Variants in CASK observed in about 807,000 individuals in gnomAD.
CASK encodes calcium/calmodulin dependent serine protein kinase.
In CASK, 4 loss-of-function variants were observed where a neutral mutation model predicts 82.9. The ratio of observed to expected loss-of-function variants is 0.05; its 90% CI spans 0.02 to 0.11. The LOEUF (loss-of-function observed/expected upper bound fraction) is 0.11. CASK is among the 10% of genes least tolerant of loss of function. The pLI is 1.00. For synonymous variants in CASK, 259 were observed against 253.5 expected, an observed-to-expected ratio of 1.02 and a Z score of -0.20; for missense variants, 358 against 720.9, an observed-to-expected ratio of 0.50 and a Z score of 5.76.
intron 3 of CASK, among the ~76,000 whole-genome samples, chrX:41,784,390 T>C (rs995025901): frequency 8.9e-6 from 1 of 112,188 alleles, no homozygotes; most frequent in Admixed American, 9.4e-5. Flanking sequence ...CTAAGATGAG[T>C]GTCACAGGGA....
At chrX:41,661,933 C>T (rs907691774) in intron 7 of CASK, among the ~76,000 whole-genome samples, 2 of 110,297 alleles carry the variant, frequency 1.8e-5, no homozygotes, top group South Asian at 3.9e-4. Flanking sequence ...TATCCTGGAG[C>T]GAATGTGCTC....
chrX:41,678,881 T>C (rs772260031), intron 5 of CASK, among the ~76,000 whole-genome samples: 2 of 109,368 alleles, frequency 1.8e-5, no homozygotes, highest in Non-Finnish European at 3.8e-5. Flanking sequence ...AGCACACATA[T>C]CATTGAAATT....
chrX:41,781,173 G>T (rs929812954), intron 3 of CASK, among the ~76,000 whole-genome samples: 3 of 112,440 alleles, frequency 2.7e-5, no homozygotes, highest in Non-Finnish European at 5.6e-5. Context: ...AAACCCCTAG[G>T]TGATCCTCCT....
At chrX:41,713,006 G>T (rs2068003934) in intron 5 of CASK, among the ~76,000 whole-genome samples, 1 of 111,475 alleles carries the variant, frequency 9.0e-6, no homozygotes, top group African/African-American at 3.3e-5. Flanking sequence ...CGAGTCTTCT[G>T]GGAGACTGAT....
chrX:41,877,150 T>C (rs1037539592), intron 1 of CASK, among the ~76,000 whole-genome samples: 9 of 111,826 alleles, frequency 8.0e-5, no homozygotes, highest in African/African-American at 2.9e-4. Flanking sequence ...GGTTTATTCA[T>C]AGGTTTTTCT....
chrX:41,678,069 A>C (rs2067297931), intron 5 of CASK, among the ~76,000 whole-genome samples: 1 of 112,283 alleles, frequency 8.9e-6, no homozygotes, highest in South Asian at 3.7e-4. Flanking sequence ...AGTCCAACAA[A>C]ATGAGCAATA....
At chrX:41,587,073 T>C in intron 13 of CASK, 86 bp from the exon 14 acceptor site, 2 of 552,469 alleles carry the variant, frequency 3.6e-6, no homozygotes, top group Non-Finnish European at 6.0e-6. Flanking sequence ...AAATTATGAG[T>C]GGATTTTTAT....
At chrX:41,722,118 G>GT (rs755401071) in intron 5 of CASK, among the ~76,000 whole-genome samples, 2 of 112,429 alleles carry the variant, frequency 1.8e-5, no homozygotes, top group South Asian at 3.7e-4. Context: ...CCAAAATAGT[G>GT]TAAGAACTGG....
intron 8 of CASK, among the ~76,000 whole-genome samples, chrX:41,655,648 G>C (rs773357278): frequency 7.7e-4 from 86 of 111,178 alleles, no homozygotes; most frequent in Non-Finnish European, 1.4e-3. Flanking sequence ...ACTGACTCTG[G>C]AACTGTGTGA....
intron 4 of CASK, among the ~76,000 whole-genome samples, chrX:41,744,566 C>T (rs1459104156): frequency 9.1e-6 from 1 of 110,039 alleles, no homozygotes; most frequent in African/African-American, 3.3e-5. Flanking sequence ...GGATGGTCTC[C>T]ATCTCCTGAC....
At chrX:41,751,329 T>C (rs924961418) in intron 3 of CASK, among the ~76,000 whole-genome samples, 3 of 111,411 alleles carry the variant, frequency 2.7e-5, no homozygotes, top group Non-Finnish European at 5.6e-5. Flanking sequence ...GCTCAAACGA[T>C]CCTTTTGCTT....
rs1430650230 is a variant in CASK, at chrX:41,531,037, C to T, written c.2490G>A (p.Gly830=). Residue 830 remains glycine (G), a synonymous_variant, in exon 25 of 27, where the codon GGG becomes GGA. Transcript: ENST00000378163. ...LETIRKIHEQ[G]LIAILDVEPQ... ...GCTCCACGTCCAGTATTGCAATCAG[C>T]CCCTGCTCGTGGATCTTCCGGATGG... 1 of 1,211,470 alleles carries T rather than the reference C, an allele frequency of 8.3e-7. No individual in the cohort carries two copies. The highest frequency in any genetic ancestry group is 2.2e-5 in the Admixed American group (1 of 46,057).
intron 1 of CASK, among the ~76,000 whole-genome samples, chrX:41,881,645 T>C (rs1260220862): frequency 1.8e-5 from 2 of 111,895 alleles, no homozygotes; most frequent in Non-Finnish European, 3.8e-5. Context: ...TATGCCATTT[T>C]AGTTCACTAC....
chrX:41,627,862 G>A (rs1028561728), intron 9 of CASK, among the ~76,000 whole-genome samples: 3 of 111,562 alleles, frequency 2.7e-5, no homozygotes, highest in Non-Finnish European at 3.8e-5. Flanking sequence ...AAATTAGCCC[G>A]GCATGGTGGC....
intron 3 of CASK, among the ~76,000 whole-genome samples, chrX:41,758,454 G>GA (rs1194199659): frequency 2.9e-5 from 3 of 105,047 alleles, no homozygotes; most frequent in South Asian, 4.2e-4. Context: ...AAAAAAAAAG[G>GA]AAAAAAAAAG....
At chrX:41,740,123 TA>T (rs377405175) in intron 4 of CASK, among the ~76,000 whole-genome samples, 1 of 111,705 alleles carries the variant, frequency 9.0e-6, no homozygotes, top group Non-Finnish European at 1.9e-5. Context: ...GAACAGGAAT[TA>T]AAAAATGGTA....
intron 4 of CASK, among the ~76,000 whole-genome samples, chrX:41,742,832 C>T (rs1467561690): frequency 1.8e-5 from 2 of 111,414 alleles, no homozygotes; most frequent in African/African-American, 6.5e-5. Context: ...TCCCCGCCTA[C>T]TTTTTTTTAT....
chrX:41,689,031 A>G (rs1281019343), intron 5 of CASK: 4 of 111,518 alleles, frequency 3.6e-5, no homozygotes, highest in African/African-American at 9.8e-5. Flanking sequence ...GACGAGTCTC[A>G]GTGTCTAGGG....
intron 5 of CASK, among the ~76,000 whole-genome samples, chrX:41,709,700 T>A (rs2067941055): frequency 9.0e-6 from 1 of 111,600 alleles, no homozygotes; most frequent in Admixed American, 9.5e-5. Context: ...TGGCTGTCAC[T>A]TATTATTATT....
Sources: gnomAD v4.1 joint callset for allele counts (sites outside exome capture counted in the v4.1 genomes callset) on GRCh38, gnomAD v4.1.1 for gene constraint, MANE v1.5 for transcripts, NCBI Gene and HGNC (gene_info 2026-07-23, HGNC 2026-07-21) for gene names.